The following OXR1 variants were observed in gnomAD, a reference collection of about 807,000 sequenced individuals.
OXR1 encodes oxidation resistance protein 1.
OXR1 carries 41 observed loss-of-function variants against 104.6 expected under a neutral mutation model. The ratio of observed to expected loss-of-function variants is 0.39; its 90% CI spans 0.31 to 0.51. The LOEUF (loss-of-function observed/expected upper bound fraction) is 0.51, where lower values mean the gene tolerates loss of function less well. Ranked by LOEUF, OXR1 falls within the 20% of genes least tolerant of loss-of-function variation. The probability of loss-of-function intolerance (pLI) is 0.77; values close to 1 mark genes in which losing one functional copy is unlikely to be tolerated. For synonymous variants in OXR1, 348 were observed against 348.4 expected, an observed-to-expected ratio of 1.00 and a Z score of 0.01; for missense variants, 955 against 1,031.9, an observed-to-expected ratio of 0.93 and a Z score of 1.02.
chr8:106,372,251 G>T (rs188162519), intron 2 of OXR1, among the ~76,000 whole-genome samples: 4,832 of 152,230 alleles, frequency 0.032, 114 homozygotes, highest in Non-Finnish European at 0.044. Context: ...CCCTTGGCTG[G>T]GGGGAGGGGG....
At chr8:106,367,147 C>T (rs895202369) in intron 2 of OXR1, among the ~76,000 whole-genome samples, 1 of 150,898 alleles carries the variant, frequency 6.6e-6, no homozygotes, top group Non-Finnish European at 1.5e-5. Flanking sequence ...ACTGCATCCT[C>T]GCCTCCCGGG....
At chr8:106,655,482 A>G (rs1270680125) in intron 3 of OXR1, among the ~76,000 whole-genome samples, 1 of 152,172 alleles carries the variant, frequency 6.6e-6, no homozygotes, top group Non-Finnish European at 1.5e-5. Context: ...AGACAACATA[A>G]TTAGACTATC....
chr8:106,437,851 A>G (rs1819640501), intron 2 of OXR1, among the ~76,000 whole-genome samples: 1 of 152,180 alleles, frequency 6.6e-6, no homozygotes, highest in Non-Finnish European at 1.5e-5. Context: ...TGAAGCTGCA[A>G]GATGCCTCCT....
chr8:106,683,247 A>G lies in OXR1; in HGVS notation c.352A>G (p.Thr118Ala), dbSNP rs769357554. Residue 118 changes from threonine to alanine, a missense_variant, in exon 5 of 17, where the codon ACA (threonine) becomes GCA (alanine). Thr to Ala is a moderately conservative substitution (Grantham distance 58, BLOSUM62 0). This residue lies in a region of OXR1 where 849 missense variants were observed against 852.9 expected (regional missense o/e 1.00). Coordinates refer to ENST00000517566, the MANE Select transcript of OXR1 (RefSeq NM_001198533.2). ...LNSIALKFDT[T>A]PNELVQLNKL... is the part of the protein sequence containing the mutation. The stretch of plus-strand genomic sequence containing the variant: ...TAGCATAGCCCTGAAGTTTGATACA[A>G]CACCTAACGAACTTGTTCAATTAAA... The G allele has an allele frequency of 1.4e-5, 23 of 1,606,842 alleles. No individual in the cohort carries two copies. The highest frequency in any genetic ancestry group is 5.0e-5 in the Admixed American group (3 of 59,980).
Position 106,285,491 on chromosome 8 carries a change from G to A in OXR1, c.-139+15124G>A, listed in dbSNP as rs758832867. Among the ~76,000 whole-genome samples, 8 of 152,066 alleles carry A rather than the reference G, an allele frequency of 5.3e-5. No individual in the cohort carries two copies. The East Asian group carries it at 5.8e-4, about 11-fold the overall frequency. On this transcript the variant is annotated intron_variant, in intron 1 of 16. Coordinates refer to ENST00000517566, the MANE Select transcript of OXR1 (RefSeq NM_001198533.2). Reference sequence around the variant, plus strand: ...ATTGGACAGTAACAAGTGTCCTTCCGTTTAATGCTGCCACCCTAGGTCTGT... The same window carrying A: ...ATTGGACAGTAACAAGTGTCCTTCCATTTAATGCTGCCACCCTAGGTCTGT...
intron 2 of OXR1, among the ~76,000 whole-genome samples, chr8:106,392,904 T>C (rs1387079719): frequency 1.3e-5 from 2 of 152,204 alleles, no homozygotes; most frequent in South Asian, 2.1e-4. Flanking sequence ...CTGGCTCTTT[T>C]TGTTGTTGTT....
At chr8:106,592,362 C>T (rs1218333329) in intron 3 of OXR1, among the ~76,000 whole-genome samples, 2 of 152,136 alleles carry the variant, frequency 1.3e-5, no homozygotes, top group Non-Finnish European at 2.9e-5. Flanking sequence ...ACTAGGAGAA[C>T]ATGGAATTCA....
intron 1 of OXR1, among the ~76,000 whole-genome samples, chr8:106,283,652 T>C (rs948497758): frequency 1.2e-4 from 18 of 152,214 alleles, no homozygotes; most frequent in Non-Finnish European, 1.6e-4. Flanking sequence ...AGTAGGAGAA[T>C]TGCTTCCTCA....
chr8:106,447,777 C>A, intron 2 of OXR1: 1 of 676,740 alleles, frequency 1.5e-6, no homozygotes, highest in Non-Finnish European at 2.2e-6. Context: ...TTAATAACCT[C>A]CTTCGTTGTA....
intron 1 of OXR1, among the ~76,000 whole-genome samples, chr8:106,317,202 A>C (rs1032952538): frequency 2.6e-5 from 4 of 152,184 alleles, no homozygotes; most frequent in Admixed American, 6.6e-5. Flanking sequence ...TTTAAGGCAA[A>C]TAGAGCTATT....
At chr8:106,376,521 C>T (rs551279827) in intron 2 of OXR1, among the ~76,000 whole-genome samples, 36 of 151,760 alleles carry the variant, frequency 2.4e-4, no homozygotes, top group Non-Finnish European at 4.7e-4. Flanking sequence ...TAATATTGGC[C>T]TAAGACTTCA....
intron 3 of OXR1, among the ~76,000 whole-genome samples, chr8:106,610,812 G>T (rs984574587): frequency 2.0e-5 from 3 of 152,166 alleles, no homozygotes; most frequent in African/African-American, 7.2e-5. Flanking sequence ...ATAATTAGAT[G>T]CAAATTTAAA....
chr8:106,487,677 G>GT (rs1563555318), intron 2 of OXR1, among the ~76,000 whole-genome samples: 1 of 149,552 alleles, frequency 6.7e-6, no homozygotes. Context: ...GCGGTGTTTG[G>GT]TTTTTTGTTC....
chr8:106,323,552 A>G (rs1814322824), intron 1 of OXR1, among the ~76,000 whole-genome samples: 1 of 152,224 alleles, frequency 6.6e-6, no homozygotes, highest in Non-Finnish European at 1.5e-5. Flanking sequence ...AGCAAAAGAA[A>G]TGATCAACAG....
chr8:106,375,148 T>C (rs957271576), intron 2 of OXR1, among the ~76,000 whole-genome samples: 1 of 152,218 alleles, frequency 6.6e-6, no homozygotes, highest in African/African-American at 2.4e-5. Context: ...AGAATTTGCA[T>C]AGAATCAGGC....
At position 106,751,284 on chromosome 8, in the gene OXR1, T is replaced by A. The variant is rs116651066; in HGVS notation, c.*343T>A. ...CTTTTGTTGAACCTGTATTGATTTT[T>A]TTTTTTTTAACTATATTGATTCGTT... On this transcript the variant is annotated 3_prime_UTR_variant, in exon 17 of 17. Coordinates refer to ENST00000517566, the MANE Select transcript of OXR1 (RefSeq NM_001198533.2). The A allele has an allele frequency of 2.4e-5, 4 of 164,718 alleles. No individual in the cohort carries two copies. The highest frequency in any genetic ancestry group is 9.5e-5 in the African/African-American group (4 of 41,964). The allele number at this position is 164,718 out of a possible 1,614,324, so 10.2% of individuals were successfully genotyped here.
chr8:106,610,726 C>T (rs1322364617), intron 3 of OXR1, among the ~76,000 whole-genome samples: 1 of 152,198 alleles, frequency 6.6e-6, no homozygotes, highest in Admixed American at 6.5e-5. Context: ...CTGACTTACT[C>T]TTTCCTCCTT....
At chr8:106,560,035 C>A (rs2130482434) in intron 3 of OXR1, among the ~76,000 whole-genome samples, 1 of 152,184 alleles carries the variant, frequency 6.6e-6, no homozygotes, top group South Asian at 2.1e-4. Context: ...AAGAGACACA[C>A]CCCATTTCAA....
intron 1 of OXR1, among the ~76,000 whole-genome samples, chr8:106,358,570 T>G (rs188204480): frequency 1.8e-4 from 28 of 152,310 alleles, no homozygotes; most frequent in Admixed American, 1.6e-3. Context: ...TAGGATAGTG[T>G]ACGTTCACAT....
Sources: allele counts gnomAD v4.1 joint callset (sites outside exome capture counted in the v4.1 genomes callset), GRCh38; gene constraint gnomAD v4.1.1; regional missense constraint gnomAD v4.1.1; transcripts MANE v1.5; gene names NCBI Gene and HGNC (gene_info 2026-07-23, HGNC 2026-07-21).